Variants in LRFN2 observed in about 807,000 individuals in gnomAD.
LRFN2 encodes the protein leucine rich repeat and fibronectin type III domain containing 2.
A neutral mutation model predicts 37.3 loss-of-function variants in LRFN2; 18 were observed. The observed-to-expected ratio is 0.48, with a 90% CI of 0.33 to 0.72. LRFN2 has a LOEUF of 0.72. LRFN2 is among the 30% of genes least tolerant of loss of function. LRFN2 has a pLI of 0.02. For synonymous variants in LRFN2, 556 were observed against 466.6 expected (o/e 1.19, Z -2.47); for missense variants, 1,006 against 1,060.7 (o/e 0.95, Z 0.72).
intron 1 of LRFN2, among the ~76,000 whole-genome samples, chr6:40,529,872 T>C (rs149701381): frequency 3.6e-4 from 55 of 152,340 alleles, no homozygotes; most frequent in African/African-American, 1.1e-3. Context: ...TAAGGATCAA[T>C]AAACAGGAGC....
intron 1 of LRFN2, among the ~76,000 whole-genome samples, chr6:40,521,015 G>A (rs1444256719): frequency 6.6e-6 from 1 of 152,224 alleles, no homozygotes; most frequent in East Asian, 1.9e-4. Flanking sequence ...AGTGAAGAGT[G>A]CAGGGAGGCA....
At chr6:40,467,226 A>G (rs891451649) in intron 1 of LRFN2, among the ~76,000 whole-genome samples, 6 of 151,698 alleles carry the variant, frequency 4.0e-5, no homozygotes, top group Non-Finnish European at 8.8e-5. Flanking sequence ...TGTGTGTTTC[A>G]AAAATGAGGC....
intron 1 of LRFN2, among the ~76,000 whole-genome samples, chr6:40,539,869 G>A (rs769466449): frequency 3.3e-5 from 5 of 152,178 alleles, no homozygotes; most frequent in Non-Finnish European, 7.3e-5. Context: ...GGTCATCGAT[G>A]TCATGATTCC....
chr6:40,494,206 A>G (rs370705272), intron 1 of LRFN2, among the ~76,000 whole-genome samples: 16 of 152,350 alleles, frequency 1.1e-4, no homozygotes, highest in African/African-American at 2.9e-4. Context: ...TGTTCCTAAC[A>G]GGGTCACCTG....
rs147572837 is a variant in LRFN2, at chr6:40,391,860, G to A, written c.*83C>T. 1.3e-4 allele frequency: 177 copies of A among 1,393,158 alleles called. No homozygotes were observed. The highest frequency in any genetic ancestry group is 1.6e-4 in the Non-Finnish European group (169 of 1,043,170). 86.3% of individuals were successfully genotyped at this position (1,393,158 alleles called of 1,614,324 possible). On this transcript the variant is annotated 3_prime_UTR_variant, in exon 3 of 3. Transcript: ENST00000338305. ...TGTCCCTGGATGTAAACATCACCAT[G>A]GAAACTCCACAAACACTTGCCAGTG... is the stretch of plus-strand genomic sequence containing the variant.
chr6:40,465,539 C>G (rs954113792), intron 1 of LRFN2, among the ~76,000 whole-genome samples: 1 of 152,154 alleles, frequency 6.6e-6, no homozygotes, highest in African/African-American at 2.4e-5. Context: ...TTCTTACTCT[C>G]AGATCCTGAC....
intron 1 of LRFN2, among the ~76,000 whole-genome samples, chr6:40,556,777 G>A (rs1353209472): frequency 6.9e-6 from 1 of 144,544 alleles, no homozygotes; most frequent in East Asian, 2.1e-4. Context: ...TGATGCTCTT[G>A]GCCACCTTCT....
intron 1 of LRFN2, among the ~76,000 whole-genome samples, chr6:40,568,168 A>C (rs1358938764): frequency 6.6e-6 from 1 of 152,162 alleles, no homozygotes; most frequent in Non-Finnish European, 1.5e-5. Context: ...ACAGATAACT[A>C]AGCCTCAGTC....
intron 1 of LRFN2, among the ~76,000 whole-genome samples, chr6:40,471,204 C>A (rs1366664203): frequency 6.6e-6 from 1 of 152,130 alleles, no homozygotes; most frequent in Non-Finnish European, 1.5e-5. Context: ...TGGGGCTCTT[C>A]TTACCGGCTC....
At chr6:40,518,256 A>G (rs908175513) in intron 1 of LRFN2, among the ~76,000 whole-genome samples, 1 of 152,148 alleles carries the variant, frequency 6.6e-6, no homozygotes, top group African/African-American at 2.4e-5. Flanking sequence ...ATTTAATCCT[A>G]TGCTAATTTT....
intron 1 of LRFN2, among the ~76,000 whole-genome samples, chr6:40,556,220 C>T (rs1205569509): frequency 6.6e-6 from 1 of 152,216 alleles, no homozygotes; most frequent in Non-Finnish European, 1.5e-5. Context: ...CCTCCCACAG[C>T]CCCTCCTACA....
intron 1 of LRFN2, chr6:40,501,523 T>C (rs1438724773): frequency 6.6e-6 from 1 of 151,850 alleles, no homozygotes; most frequent in African/African-American, 2.4e-5. Flanking sequence ...AGACAGGGTT[T>C]CATTATGCTG....
At chr6:40,398,874 C>T (rs911526636) in intron 2 of LRFN2, among the ~76,000 whole-genome samples, 3 of 151,854 alleles carry the variant, frequency 2.0e-5, no homozygotes, top group Admixed American at 2.0e-4. Context: ...AAATCTACGG[C>T]TGATACTAGA....
chr6:40,541,522 G>A (rs372633189), intron 1 of LRFN2, among the ~76,000 whole-genome samples: 1 of 152,164 alleles, frequency 6.6e-6, no homozygotes, highest in Non-Finnish European at 1.5e-5. Context: ...GATCCAGGAC[G>A]GGGCGGGGGT....
chr6:40,564,214 G>A (rs1767049833), intron 1 of LRFN2, among the ~76,000 whole-genome samples: 1 of 152,158 alleles, frequency 6.6e-6, no homozygotes, highest in African/African-American at 2.4e-5. Flanking sequence ...AGTGTTTCAT[G>A]TCCAGTGGTG....
At chr6:40,448,284 C>A (rs914268811) in intron 1 of LRFN2, among the ~76,000 whole-genome samples, 3 of 152,088 alleles carry the variant, frequency 2.0e-5, no homozygotes, top group Admixed American at 6.6e-5. Flanking sequence ...TCTCCTGCAA[C>A]CCCCTGGGTT....
At chr6:40,442,205 G>A (rs930090954) in intron 1 of LRFN2, among the ~76,000 whole-genome samples, 1 of 152,208 alleles carries the variant, frequency 6.6e-6, no homozygotes, top group Non-Finnish European at 1.5e-5. Flanking sequence ...GGCTAATGAA[G>A]GGAGCAGTGG....
At chr6:40,488,006 A>G (rs1765005702) in intron 1 of LRFN2, among the ~76,000 whole-genome samples, 1 of 152,174 alleles carries the variant, frequency 6.6e-6, no homozygotes, top group African/African-American at 2.4e-5. Context: ...CTCCCCAGTC[A>G]CAGCAGCAGC....
At chr6:40,415,521 G>A (rs1400602289) in intron 2 of LRFN2, among the ~76,000 whole-genome samples, 3 of 152,010 alleles carry the variant, frequency 2.0e-5, no homozygotes, top group East Asian at 1.9e-4. Flanking sequence ...CCACGCACCC[G>A]GCCTGAATTC....
Sources: gnomAD v4.1 joint callset for allele counts (sites outside exome capture counted in the v4.1 genomes callset) on GRCh38, gnomAD v4.1.1 for gene constraint, MANE v1.5 for transcripts, NCBI Gene and HGNC (gene_info 2026-07-23, HGNC 2026-07-21) for gene names.